GADL1: variants seen among roughly 807,000 people sequenced by gnomAD.
GADL1 encodes the protein acidic amino acid decarboxylase GADL1.
In GADL1, 71 loss-of-function variants were observed where a neutral mutation model predicts 69.5. The ratio of observed to expected loss-of-function variants is 1.02; its 90% CI spans 0.84 to 1.25. The LOEUF is 1.25. Ranked by LOEUF, GADL1 falls within the 50% of genes most tolerant of loss-of-function variation. The probability of loss-of-function intolerance (pLI) is 0.00; values close to 1 mark genes in which losing one functional copy is unlikely to be tolerated. For synonymous variants in GADL1, 254 were observed against 214.4 expected (o/e 1.18, Z -1.62); for missense variants, 737 against 631.8 (o/e 1.17, Z -1.79).
chr3:30,788,030 G>A (rs960457655), intron 12 of GADL1, among the ~76,000 whole-genome samples: 20 of 152,062 alleles, frequency 1.3e-4, no homozygotes, highest in African/African-American at 4.8e-4. Context: ...GAGCGATAAC[G>A]TGAGCATACA....
chr3:30,844,269 G>T lies in GADL1; in HGVS notation c.732-5C>A. On this transcript the variant is annotated splice_polypyrimidine_tract_variant and splice_region_variant and intron_variant, in intron 7 of 14. Transcript: ENST00000282538. ...TCCTCAGGTATCATTTTACCTCTAA[G>T]GGACAAAGATTTGAGACTTTCAGTT... The T allele has an allele frequency of 1.9e-6, 3 of 1,610,530 alleles. No homozygotes were observed. Among genetic ancestry groups the T allele is most frequent in the Non-Finnish European group, 2.5e-6 (3 of 1,178,168 alleles).
intron 6 of GADL1, among the ~76,000 whole-genome samples, chr3:30,848,365 A>G (rs1418536918): frequency 6.6e-6 from 1 of 152,222 alleles, no homozygotes; most frequent in African/African-American, 2.4e-5. Flanking sequence ...TCAGAGTGAG[A>G]GGAAAACATG....
intron 11 of GADL1, among the ~76,000 whole-genome samples, chr3:30,828,679 T>C (rs191496827): frequency 1.3e-5 from 2 of 152,040 alleles, no homozygotes; most frequent in East Asian, 1.9e-4. Flanking sequence ...AGGAAAATGT[T>C]TGCATCTATG....
In GADL1 at chr3:30,772,149, CAAACAATA is replaced by C. The variant is rs564069813; in HGVS notation, c.1392+6022_1392+6029del. Among the ~76,000 whole-genome samples the C allele has an allele frequency of 3.3e-3, 461 of 140,718 alleles. 2 individuals carry two copies. The highest frequency in any genetic ancestry group is 0.011 in the African/African-American group (430 of 40,862). The allele number at this position is 140,718 out of a possible 152,430, so 92.3% of individuals were successfully genotyped here. On this transcript the variant is annotated intron_variant, in intron 14 of 14. Transcript: ENST00000282538. The stretch of plus-strand genomic sequence containing the variant: ...CTGGAATATCATCAAGTTTTATCAC[CAAACAATA>C]AAACAAACCCGTCAAGTAGATTTTA...
chr3:30,755,038 T>C (rs1001985621), intron 14 of GADL1, among the ~76,000 whole-genome samples: 6 of 152,172 alleles, frequency 3.9e-5, no homozygotes, highest in Non-Finnish European at 7.3e-5. Flanking sequence ...AGAATATTGT[T>C]TGATCTAGCA....
chr3:30,838,448 A>AC (rs1333735459), intron 9 of GADL1, among the ~76,000 whole-genome samples: 1 of 152,028 alleles, frequency 6.6e-6, no homozygotes, highest in Non-Finnish European at 1.5e-5. Flanking sequence ...TATTATCCCA[A>AC]CCCCCCTCAA....
chr3:30,820,705 C>A (rs1697560019), intron 11 of GADL1, among the ~76,000 whole-genome samples: 1 of 151,978 alleles, frequency 6.6e-6, no homozygotes, highest in Non-Finnish European at 1.5e-5. Flanking sequence ...GAAATAGGAA[C>A]ACTTTTACAC....
intron 14 of GADL1, among the ~76,000 whole-genome samples, chr3:30,766,544 A>G (rs142580162): frequency 0.012 from 1,693 of 143,270 alleles, 29 homozygotes; most frequent in African/African-American, 0.042. Context: ...TCCATAACAT[A>G]TCATTACTGT....
At chr3:30,829,830 G>A (rs1697757394) in intron 11 of GADL1, among the ~76,000 whole-genome samples, 1 of 151,790 alleles carries the variant, frequency 6.6e-6, no homozygotes, top group Admixed American at 6.6e-5. Context: ...ATTCTAGTGG[G>A]AGAGAATATT....
At chr3:30,882,842 G>C (rs1052044209) in intron 1 of GADL1, among the ~76,000 whole-genome samples, 3 of 150,798 alleles carry the variant, frequency 2.0e-5, no homozygotes, top group Admixed American at 2.0e-4. Context: ...TCAGGTGGTT[G>C]GTTTTTTTTT....
At chr3:30,785,371 GATTT>G (rs1696765839) in intron 13 of GADL1, among the ~76,000 whole-genome samples, 1 of 138,214 alleles carries the variant, frequency 7.2e-6, no homozygotes, top group African/African-American at 3.1e-5. Flanking sequence ...AAAAAAGCTA[GATTT>G]CTTTTTCTTT....
chr3:30,730,498 G>A (rs1399505938), intron 14 of GADL1, among the ~76,000 whole-genome samples: 2 of 151,928 alleles, frequency 1.3e-5, no homozygotes, highest in Non-Finnish European at 2.9e-5. Flanking sequence ...AACCCGAGCT[G>A]CATAAGACAG....
rs1695655927 is a variant in GADL1 at position 30,743,527 on chromosome 3, G to A, written c.1393-15112C>T. Among the ~76,000 whole-genome samples the A allele has an allele frequency of 1.3e-5, 2 of 152,096 alleles. 1 individual carries two copies. The highest frequency in any genetic ancestry group is 1.3e-4 in the Admixed American group (2 of 15,260). On this transcript the variant is annotated intron_variant, in intron 14 of 14. Transcript: ENST00000282538. ...CCCAGAAAGAAAAACAGAAACACAC[G>A]TATGGAAGACAAGGAAAGTGGGTTG...
intron 12 of GADL1, among the ~76,000 whole-genome samples, chr3:30,787,496 C>A (rs1696822195): frequency 6.6e-6 from 1 of 152,120 alleles, no homozygotes; most frequent in African/African-American, 2.4e-5. Context: ...ACACTTGACC[C>A]AGTACTTCAA....
chr3:30,755,585 TTG>T (rs3042991), intron 14 of GADL1, among the ~76,000 whole-genome samples: 64,579 of 151,608 alleles, frequency 0.43, 14,287 homozygotes, highest in African/African-American at 0.53. Flanking sequence ...CCATTTTTGC[TTG>T]TGTGTGTGTG....
At chr3:30,881,712 A>G (rs762539844) in intron 1 of GADL1, among the ~76,000 whole-genome samples, 4 of 151,946 alleles carry the variant, frequency 2.6e-5, no homozygotes, top group Non-Finnish European at 5.9e-5. Context: ...AAAAAATGAT[A>G]AATTTGTTAA....
intron 3 of GADL1, among the ~76,000 whole-genome samples, 172 bp from the exon 4 acceptor site, chr3:30,854,961 G>A (rs563504082): frequency 6.6e-6 from 1 of 152,192 alleles, no homozygotes; most frequent in East Asian, 1.9e-4. Flanking sequence ...TATCTAAGGA[G>A]ATGGCGGTTA....
chr3:30,757,194 AAT>A (rs1315592664), intron 14 of GADL1, among the ~76,000 whole-genome samples: 3 of 152,050 alleles, frequency 2.0e-5, no homozygotes, highest in African/African-American at 4.8e-5. Context: ...AAAAATAAGA[AAT>A]GGCCTCCTGG....
At chr3:30,806,221 G>A (rs1281085658) in intron 11 of GADL1, among the ~76,000 whole-genome samples, 2 of 151,958 alleles carry the variant, frequency 1.3e-5, no homozygotes, top group East Asian at 1.9e-4. Flanking sequence ...CAAAAAAAAT[G>A]GTCTAAATGA....
Sources: allele counts gnomAD v4.1 joint callset (sites outside exome capture counted in the v4.1 genomes callset), GRCh38; gene constraint gnomAD v4.1.1; transcripts MANE v1.5; gene names NCBI Gene and HGNC (gene_info 2026-07-23, HGNC 2026-07-21).